Variants in VCP observed in about 807,000 individuals in gnomAD.
The protein encoded by VCP is valosin containing protein.
In VCP, 6 loss-of-function variants were observed where a neutral mutation model predicts 85.7. The ratio of observed to expected loss-of-function variants is 0.07; its 90% confidence interval spans 0.04 to 0.14. The LOEUF (loss-of-function observed/expected upper bound fraction) is 0.14, where lower values mean the gene tolerates loss of function less well. Ranked by LOEUF, VCP falls within the 10% of genes least tolerant of loss-of-function variation. VCP has a pLI of 1.00. For synonymous variants in VCP, 384 were observed against 367.1 expected (o/e 1.05, Z -0.53); for missense variants, 353 against 1,043.4 (o/e 0.34, Z 9.12).
In VCP at chr9:35,059,265, G is replaced by A. The variant is rs369648801; in HGVS notation, c.2005-46C>T. ...ACCTTAGCATTTAGCCTCTCCTCTCGAGATACGCAGATCTTTGGGCTACCC... is the reference window on the plus strand; with the variant it reads ...ACCTTAGCATTTAGCCTCTCCTCTCAAGATACGCAGATCTTTGGGCTACCC... On this transcript the variant is annotated intron_variant, in intron 14 of 16. Coordinates refer to ENST00000358901, the MANE Select transcript of VCP (RefSeq NM_007126.5). The surrounding 1 kb of genome is among the most constrained non-coding windows in gnomAD (Gnocchi z 4.9). 2.9e-5 allele frequency: 47 copies of A among 1,611,532 alleles called. No homozygotes were observed. Among genetic ancestry groups the A allele is most frequent in the Middle Eastern group, 3.3e-4 (2 of 6,082 alleles).
chr9:35,071,804 T>C, intron 1 of VCP: 3 of 989,914 alleles, frequency 3.0e-6, no homozygotes, highest in Non-Finnish European at 3.6e-6. Flanking sequence ...TGAGCTTCCC[T>C]GAGCTCGGCG....
At position 35,059,252 on chromosome 9, in the gene VCP, A is replaced by G; in HGVS notation, c.2005-33T>C. 1 of 1,613,860 alleles carries G rather than the reference A, an allele frequency of 6.2e-7. No individual in the cohort carries two copies. Among genetic ancestry groups the G allele is most frequent in the Non-Finnish European group, 8.5e-7 (1 of 1,179,912 alleles). ...CAGCAGCAGAGGTACCTTAGCATTT[A>G]GCCTCTCCTCTCGAGATACGCAGAT... On this transcript the variant is annotated intron_variant, in intron 14 of 16. Coordinates refer to ENST00000358901, the MANE Select transcript of VCP (RefSeq NM_007126.5). This position sits in a 1 kb window ranked among gnomAD's most constrained non-coding sequence, Gnocchi z 4.9.
Position 35,059,202 on chromosome 9 carries a change from G to A in VCP, c.2022C>T (p.Phe674=). 4 of 1,614,074 alleles carry A rather than the reference G, an allele frequency of 2.5e-6. No homozygotes were observed. Among genetic ancestry groups the A allele is most frequent in the Non-Finnish European group, 3.4e-6 (4 of 1,180,008 alleles). Reference sequence around the variant, plus strand: ...AGAAGCCATTAGTCATTTTAGCCAGGAACTCCAAGTCCACATCCTAAAAGC... The same window carrying A: ...AGAAGCCATTAGTCATTTTAGCCAGAAACTCCAAGTCCACATCCTAAAAGC... ...SPVAKDVDLE[F]LAKMTNGFSG... The change falls in exon 15 of 17, where the codon TTC becomes TTT. Residue 674 remains phenylalanine, a synonymous_variant. Coordinates refer to ENST00000358901, the MANE Select transcript of VCP (RefSeq NM_007126.5). The surrounding 1 kb of genome is among the most constrained non-coding windows in gnomAD (Gnocchi z 4.9).
At chr9:35,071,519 CCTGGAAAT>C (rs1363503091) in intron 1 of VCP, among the ~76,000 whole-genome samples, 1 of 151,934 alleles carries the variant, frequency 6.6e-6, no homozygotes, top group Admixed American at 6.6e-5. Context: ...CACCACGAAA[CCTGGAAAT>C]CTGGAAAGGC....
rs368525824 is a variant in VCP at position 35,060,555 on chromosome 9, C to G, written c.1483-30G>C. On this transcript the variant is annotated intron_variant, in intron 12 of 16. Coordinates refer to ENST00000358901, the MANE Select transcript of VCP (RefSeq NM_007126.5). ...GAGGAAAAGGAAAGAGGGTTCAAGG[C>G]TACCTCCACATTTTGAAAGAAACCT... The G allele has an allele frequency of 5.0e-6, 8 of 1,607,108 alleles. No homozygotes were observed. The African/African-American group carries it at 1.1e-4, about 21-fold the overall frequency.
At chr9:35,060,550 C>T in intron 12 of VCP, 25 bp from the exon 13 acceptor site, 1 of 1,609,378 alleles carries the variant, frequency 6.2e-7, no homozygotes, top group Non-Finnish European at 8.5e-7. Flanking sequence ...AAAGAGGGTT[C>T]AAGGCTACCT....
chr9:35,066,596 G>T, intron 4 of VCP, 79 bp downstream of exon 4: 4 of 1,291,806 alleles, frequency 3.1e-6, no homozygotes, highest in Non-Finnish European at 4.3e-6. Flanking sequence ...AAAAAAAAAA[G>T]AAAAAGAAAA....
rs1408932748 is a variant in VCP at position 35,061,983 on chromosome 9, A to G, written c.1081+20T>C. ...TAGGACCTAAGCAAGGACGGGGTCA[A>G]AAGTATCTGGAGTCCTTACCAAATC... On this transcript the variant is annotated intron_variant, in intron 9 of 16. Transcript: ENST00000358901. 2.5e-6 allele frequency: 4 copies of G among 1,614,210 alleles called. No individual in the cohort carries two copies. The highest frequency in any genetic ancestry group is 3.3e-5 in the Admixed American group (2 of 60,030).
Position 35,059,912 on chromosome 9 carries a change from C to A in VCP, c.1696-111G>T. ...CTTTGGGAGGCCAAGGTGGGAGGATCACTTGAGGCCAGAAATCCGAAACCA... is the reference window on the plus strand; with the variant it reads ...CTTTGGGAGGCCAAGGTGGGAGGATAACTTGAGGCCAGAAATCCGAAACCA... On this transcript the variant is annotated intron_variant, in intron 13 of 16. Coordinates refer to ENST00000358901, the MANE Select transcript of VCP (RefSeq NM_007126.5). This position sits in a 1 kb window ranked among gnomAD's most constrained non-coding sequence, Gnocchi z 4.9. The A allele has an allele frequency of 7.2e-7, 1 of 1,382,710 alleles. No homozygotes were observed. The highest frequency in any genetic ancestry group is 1.4e-5 in the African/African-American group (1 of 70,106). The allele number at this position is 1,382,710 out of a possible 1,614,324, so 85.7% of individuals were successfully genotyped here.
In VCP at chr9:35,068,643, A is replaced by T. The variant is rs2073575; in HGVS notation, c.18-281T>A. Reference sequence around the variant, plus strand: ...GTCAGAAAATAATGGCCTAAGAAGAAGACATAATAGAAATGGAGGCTGAAT... The same window carrying T: ...GTCAGAAAATAATGGCCTAAGAAGATGACATAATAGAAATGGAGGCTGAAT... On this transcript the variant is annotated intron_variant, in intron 1 of 16. Transcript: ENST00000358901. Among the ~76,000 whole-genome samples, 10,262 of 152,248 alleles carry T rather than the reference A, an allele frequency of 0.067. 578 individuals carry two copies. The highest frequency in any genetic ancestry group is 0.32 in the East Asian group (1,648 of 5,158).
At chr9:35,065,703 C>T (rs1017840698) in intron 4 of VCP, among the ~76,000 whole-genome samples, 1 of 152,064 alleles carries the variant, frequency 6.6e-6, no homozygotes, top group Admixed American at 6.6e-5. Flanking sequence ...CACTCTGGAC[C>T]CTGACCCAGC....
intron 4 of VCP, 71 bp downstream of exon 4, chr9:35,066,604 A>T: frequency 6.5e-7 from 1 of 1,549,880 alleles, no homozygotes; most frequent in Non-Finnish European, 8.7e-7. Context: ...AAGAAAAAGA[A>T]AATGAGATAA....
chr9:35,065,524 C>T, intron 4 of VCP, 143 bp from the exon 5 acceptor site: 2 of 1,084,948 alleles, frequency 1.8e-6, no homozygotes, highest in South Asian at 1.3e-5. Context: ...CCAACTCCAC[C>T]CCACCTGTCT....
chr9:35,069,326 T>C (rs1293465869), intron 1 of VCP, among the ~76,000 whole-genome samples: 15 of 151,270 alleles, frequency 9.9e-5, no homozygotes, highest in Admixed American at 9.9e-4. Flanking sequence ...CAAAGTCGAC[T>C]GGGTCTACAC....
Position 35,072,436 on chromosome 9 carries a change from G to A in VCP, c.-83C>T, listed in dbSNP as rs1028675255. On this transcript the variant is annotated 5_prime_UTR_variant, in exon 1 of 17. Coordinates refer to ENST00000358901, the MANE Select transcript of VCP (RefSeq NM_007126.5). ...GTGGCAAGCGACCGACTGGGCCGGG[G>A]CTCGGCTCTTCCAGGCGGTGGGCGA... 5 of 1,404,374 alleles carry A rather than the reference G, an allele frequency of 3.6e-6. No homozygotes were observed. Among genetic ancestry groups the A allele is most frequent in the South Asian group, 3.0e-5 (2 of 67,384 alleles). 87.0% of individuals were successfully genotyped at this position (1,404,374 alleles called of 1,614,324 possible).
Position 35,057,574 on chromosome 9 carries a change from G to A in VCP, c.2161-44C>T, listed in dbSNP as rs368542781. 3.7e-5 allele frequency: 60 copies of A among 1,600,398 alleles called. No individual in the cohort carries two copies. The African/African-American group carries it at 6.9e-4, about 19-fold the overall frequency. ...GATCACTAGGGCTAGTTAAAGCCCA[G>A]CCTGGATTTCATCCCAGGCCTCCCA... On this transcript the variant is annotated intron_variant, in intron 15 of 16. Coordinates refer to ENST00000358901, the MANE Select transcript of VCP (RefSeq NM_007126.5).
In VCP at chr9:35,059,267, G is replaced by A. The variant is rs749161429; in HGVS notation, c.2005-48C>T. On this transcript the variant is annotated intron_variant, in intron 14 of 16. Coordinates refer to ENST00000358901, the MANE Select transcript of VCP (RefSeq NM_007126.5). The surrounding 1 kb of genome is among the most constrained non-coding windows in gnomAD (Gnocchi z 4.9). ...CTTAGCATTTAGCCTCTCCTCTCGA[G>A]ATACGCAGATCTTTGGGCTACCCGA... is the stretch of plus-strand genomic sequence containing the variant. 4.3e-6 allele frequency: 7 copies of A among 1,611,558 alleles called. No homozygotes were observed. The highest frequency in any genetic ancestry group is 2.2e-5 in the South Asian group (2 of 90,674).
chr9:35,070,602 A>G (rs138168961), intron 1 of VCP, among the ~76,000 whole-genome samples: 157 of 152,088 alleles, frequency 1.0e-3, no homozygotes, highest in African/African-American at 3.6e-3. Flanking sequence ...ATGCCTGGCT[A>G]CTTTTTGCAT....
intron 1 of VCP, among the ~76,000 whole-genome samples, chr9:35,070,725 T>C (rs1828923469): frequency 1.3e-5 from 2 of 152,212 alleles, no homozygotes; most frequent in Non-Finnish European, 2.9e-5. Flanking sequence ...CCTGAGCCAC[T>C]GTGCCCGGTC....
Sources: allele counts gnomAD v4.1 joint callset (sites outside exome capture counted in the v4.1 genomes callset), GRCh38; gene constraint gnomAD v4.1.1; non-coding constraint Gnocchi (gnomAD v3.1); transcripts MANE v1.5; gene names NCBI Gene and HGNC (gene_info 2026-07-23, HGNC 2026-07-21).